TENM3: variants seen among roughly 807,000 people sequenced by gnomAD.
TENM3 encodes teneurin transmembrane protein 3.
Under a neutral mutation model 255.1 loss-of-function variants are expected in TENM3, and 63 were observed. That is an observed-to-expected ratio of 0.25 (90% CI 0.20 to 0.30). The LOEUF (loss-of-function observed/expected upper bound fraction) is 0.30, where lower values mean the gene tolerates loss of function less well. Among genes scored for constraint, TENM3 ranks in the 10% least tolerant of loss-of-function variants. The pLI is 1.00. For missense variants in TENM3, 2,929 were observed against 3,461.1 expected (o/e 0.85, Z 3.86); for synonymous variants, 1,306 against 1,322.3 (o/e 0.99, Z 0.27).
chr4:181,473,305 A>G, the TENM3 span, among the ~76,000 whole-genome samples: 1 of 152,116 alleles, frequency 6.6e-6, no homozygotes, highest in African/African-American at 2.4e-5. Context: ...AATCCATCCT[A>G]GGACTGAGTG....
the TENM3 span, among the ~76,000 whole-genome samples, chr4:181,930,091 C>T: frequency 1.3e-5 from 2 of 152,090 alleles, no homozygotes; most frequent in Admixed American, 6.5e-5. Context: ...AAAATCGACA[C>T]CCTAACATCA....
At chr4:182,484,107 C>T (rs779129433) in intron 3 of TENM3, among the ~76,000 whole-genome samples, 4 of 152,196 alleles carry the variant, frequency 2.6e-5, no homozygotes, top group Non-Finnish European at 5.9e-5. Context: ...GACTAGACAC[C>T]CACACAGTAG....
chr4:182,751,702 A>G lies in TENM3; in HGVS notation c.3630-98A>G, dbSNP rs192386985. 12 of 816,638 alleles carry G rather than the reference A, an allele frequency of 1.5e-5. No individual in the cohort carries two copies. In the South Asian group the frequency reaches 1.5e-4, roughly 10 times the overall value. The allele number at this position is 816,638 out of a possible 1,614,324, so 50.6% of individuals were successfully genotyped here. A position where few individuals can be genotyped will look rare whatever the true frequency, so the allele number is the denominator to read the frequency against. On this transcript the variant is annotated intron_variant, in intron 19 of 27. Transcript: ENST00000511685. ...AATCTTTGATCATGGATTCCAGACT[A>G]TAATCAGTTTCTCATGATCTGTTTT...
At chr4:182,088,255 T>G in the TENM3 span, among the ~76,000 whole-genome samples, 1 of 152,218 alleles carries the variant, frequency 6.6e-6, no homozygotes, top group Non-Finnish European at 1.5e-5. Flanking sequence ...AGCATAGGGC[T>G]TTCTGGATCA....
chr4:182,063,725 G>C, the TENM3 span, among the ~76,000 whole-genome samples: 1 of 152,186 alleles, frequency 6.6e-6, no homozygotes, highest in African/African-American at 2.4e-5. Context: ...GATACAAGAA[G>C]CGTTAGACAT....
At chr4:182,277,304 G>T (rs1760067348) in intron 1 of TENM3, among the ~76,000 whole-genome samples, 1 of 151,918 alleles carries the variant, frequency 6.6e-6, no homozygotes, top group African/African-American at 2.4e-5. Flanking sequence ...TCATTTCAGA[G>T]AAACCTTATG....
At chr4:181,758,827 G>A in the TENM3 span, among the ~76,000 whole-genome samples, 1 of 152,094 alleles carries the variant, frequency 6.6e-6, no homozygotes, top group East Asian at 1.9e-4. Flanking sequence ...TCAGTGGTTT[G>A]TGAAAAGAAT....
chr4:182,121,784 T>C, the TENM3 span, among the ~76,000 whole-genome samples: 153 of 152,246 alleles, frequency 1.0e-3, no homozygotes, highest in African/African-American at 3.6e-3. Flanking sequence ...TGCAGAAGGT[T>C]GGGGTGATTG....
At chr4:181,611,503 T>C in the TENM3 span, among the ~76,000 whole-genome samples, 1 of 152,170 alleles carries the variant, frequency 6.6e-6, no homozygotes, top group Non-Finnish European at 1.5e-5. Context: ...TTAAGGCATA[T>C]TTTTTAGTCT....
the TENM3 span, among the ~76,000 whole-genome samples, chr4:181,703,539 C>G: frequency 2.1e-4 from 32 of 152,266 alleles, no homozygotes; most frequent in East Asian, 6.0e-3. Context: ...TCTCCCTCTT[C>G]CCTTTATGAC....
intron 1 of TENM3, among the ~76,000 whole-genome samples, chr4:182,300,974 T>C (rs564421013): frequency 6.6e-6 from 1 of 152,234 alleles, no homozygotes; most frequent in Non-Finnish European, 1.5e-5. Flanking sequence ...AGTGTTTTAT[T>C]TGTTCATTAG....
chr4:182,545,098 A>G (rs1410047919), intron 3 of TENM3, among the ~76,000 whole-genome samples: 1 of 152,232 alleles, frequency 6.6e-6, no homozygotes, highest in Non-Finnish European at 1.5e-5. Flanking sequence ...CTGATAGAAA[A>G]AAAAGTCGTA....
At chr4:182,616,845 G>A (rs546818186) in intron 4 of TENM3, among the ~76,000 whole-genome samples, 1 of 152,264 alleles carries the variant, frequency 6.6e-6, no homozygotes, top group South Asian at 2.1e-4. Flanking sequence ...AAATAAACAG[G>A]AACCCAGCCT....
chr4:181,779,152 C>T, the TENM3 span, among the ~76,000 whole-genome samples: 1 of 152,084 alleles, frequency 6.6e-6, no homozygotes, highest in Non-Finnish European at 1.5e-5. Context: ...TCTACCAGCA[C>T]CTTGGCATCT....
chr4:182,195,815 C>A (rs1160474893), intron 1 of TENM3, among the ~76,000 whole-genome samples: 1 of 152,166 alleles, frequency 6.6e-6, no homozygotes, highest in Non-Finnish European at 1.5e-5. Context: ...CATTAACTCA[C>A]TTAACTTCAA....
At chr4:181,855,973 AAAGAGGGAGGAAAGAAGGAGG>A in the TENM3 span, among the ~76,000 whole-genome samples, 1 of 146,856 alleles carries the variant, frequency 6.8e-6, no homozygotes, top group Non-Finnish European at 1.5e-5. Context: ...GGAGGAAGGA[AAAGAGGGAGGAAAGAAGGAGG>A]GAAGGAAGGA....
chr4:181,791,577 C>A, the TENM3 span, among the ~76,000 whole-genome samples: 1 of 152,116 alleles, frequency 6.6e-6, no homozygotes, highest in East Asian at 1.9e-4. Context: ...TAATTTTAGC[C>A]TACTCTTAAC....
At chr4:182,237,847 T>A (rs540371347) in intron 1 of TENM3, among the ~76,000 whole-genome samples, 1 of 152,334 alleles carries the variant, frequency 6.6e-6, no homozygotes, top group South Asian at 2.1e-4. Context: ...CTGTTTTTAT[T>A]GCTTTCTGCT....
intron 1 of TENM3, among the ~76,000 whole-genome samples, chr4:182,222,724 TCTAA>T (rs1287226856): frequency 1.3e-5 from 2 of 152,236 alleles, no homozygotes; most frequent in African/African-American, 4.8e-5. Flanking sequence ...CATTTTTCTG[TCTAA>T]CTTTTAGTGA....
Sources: gnomAD v4.1 joint callset for allele counts (sites outside exome capture counted in the v4.1 genomes callset) on GRCh38, gnomAD v4.1.1 for gene constraint, MANE v1.5 for transcripts, NCBI Gene and HGNC (gene_info 2026-07-23, HGNC 2026-07-21) for gene names.